OSBPL1A: variants seen among roughly 807,000 people sequenced by gnomAD.
OSBPL1A encodes the protein oxysterol binding protein like 1A, also known as oxysterol-binding protein-related protein 1.
In OSBPL1A, 80 loss-of-function variants were observed where a neutral mutation model predicts 137.1. The observed-to-expected ratio is 0.58, with a 90% CI of 0.49 to 0.70. OSBPL1A has a LOEUF of 0.70. Among genes scored for constraint, OSBPL1A ranks in the 30% least tolerant of loss-of-function variants. OSBPL1A has a pLI of 0.00. For synonymous variants in OSBPL1A, 365 were observed against 389.7 expected (o/e 0.94, Z 0.75); for missense variants, 970 against 1,129.4 (o/e 0.86, Z 2.02).
chr18:24,172,471 T>C lies in OSBPL1A; in HGVS notation c.2106A>G (p.Ala702=), dbSNP rs752992190. The C allele has an allele frequency of 1.3e-5, 21 of 1,613,004 alleles. No homozygotes were observed. The Admixed American group carries it at 2.0e-4, about 15-fold the overall frequency. Reference sequence around the variant, plus strand: ...AGCAGGTGGGATTTGTCCATGTATATGCCTCATTGTGTCTAAAAAACAAAA... The same window carrying C: ...AGCAGGTGGGATTTGTCCATGTATACGCCTCATTGTGTCTAAAAAACAAAA... ...ITLELLEHNE[A]YTWTNPTCCV... is the part of the protein sequence containing the mutation. Residue 702 remains alanine, a synonymous_variant, in exon 22 of 28, where the codon GCA becomes GCG. Coordinates refer to ENST00000319481, the MANE Select transcript of OSBPL1A (RefSeq NM_080597.4).
chr18:24,272,304 A>G lies in OSBPL1A; in HGVS notation c.1281+8538T>C, dbSNP rs1261808837. On this transcript the variant is annotated intron_variant, in intron 15 of 27. Transcript: ENST00000319481. ...CGCCCCTTGGGAAACTCTGGAAAGC[A>G]AAGGAATCTTCTCTCCAGTCCTGCC... 3 of 979,210 alleles carry G rather than the reference A, an allele frequency of 3.1e-6. No homozygotes were observed. The African/African-American group carries it at 5.3e-5, about 17-fold the overall frequency. 60.7% of individuals were successfully genotyped at this position (979,210 alleles called of 1,614,324 possible).
intron 20 of OSBPL1A, 44 bp downstream of exon 20, chr18:24,179,694 T>C (rs1432232672): frequency 6.6e-7 from 1 of 1,513,982 alleles, no homozygotes; most frequent in African/African-American, 1.4e-5. Flanking sequence ...ATTTCTCCTC[T>C]TCATCTGCAA....
At chr18:24,311,922 G>T (rs2090625292) in intron 13 of OSBPL1A, 62 bp downstream of exon 13, 1 of 1,583,760 alleles carries the variant, frequency 6.3e-7, no homozygotes, top group African/African-American at 1.4e-5. Flanking sequence ...AAAGAAAAAA[G>T]TTCTTGATTA....
intron 16 of OSBPL1A, among the ~76,000 whole-genome samples, chr18:24,225,995 TA>T (rs1286735052): frequency 1.3e-5 from 2 of 152,128 alleles, no homozygotes; most frequent in Non-Finnish European, 2.9e-5. Flanking sequence ...AAAATACTTT[TA>T]AAAATACTTT....
chr18:24,249,478 A>G (rs992642974), intron 15 of OSBPL1A, among the ~76,000 whole-genome samples: 1 of 152,202 alleles, frequency 6.6e-6, no homozygotes, highest in Non-Finnish European at 1.5e-5. Flanking sequence ...CAATCACAGC[A>G]CCTGATTTCA....
Position 24,196,179 on chromosome 18 carries a change from C to T in OSBPL1A, c.1623G>A (p.Met541Ile). The change falls in exon 18 of 28, where the codon ATG becomes ATA. Residue 541 changes from methionine to isoleucine, a missense_variant. Physicochemically the swap from Met to Ile is conservative, Grantham distance 10. Transcript: ENST00000319481. ...AGATACTGAAGTCATTTCTGGAAAA[C>T]ATAGGAGAAGGCAAACTTGTTCTGA... Reference protein sequence around the residue: ...KKHRTSLPSPMFSRNDFSIWS... With the variant: ...KKHRTSLPSPIFSRNDFSIWS... The T allele has an allele frequency of 1.9e-6, 3 of 1,610,524 alleles. No homozygotes were observed. The highest frequency in any genetic ancestry group is 2.5e-6 in the Non-Finnish European group (3 of 1,179,268).
intron 1 of OSBPL1A, among the ~76,000 whole-genome samples, chr18:24,383,806 A>G (rs529049335): frequency 6.6e-6 from 1 of 152,384 alleles, no homozygotes; most frequent in South Asian, 2.1e-4. Context: ...CCATTATAAT[A>G]TATAAACCAT....
At chr18:24,164,428 T>G (rs1486415968) in intron 27 of OSBPL1A, among the ~76,000 whole-genome samples, 6 of 134,798 alleles carry the variant, frequency 4.5e-5, no homozygotes, top group Non-Finnish European at 9.5e-5. Flanking sequence ...TGGTTTTTTT[T>G]TTTTTTTTTT....
At chr18:24,262,905 T>G (rs1323363440) in intron 15 of OSBPL1A, among the ~76,000 whole-genome samples, 1 of 152,126 alleles carries the variant, frequency 6.6e-6, no homozygotes, top group East Asian at 1.9e-4. Context: ...GTATCTAGCT[T>G]TTTTTACTAG....
intron 17 of OSBPL1A, among the ~76,000 whole-genome samples, chr18:24,221,414 C>G (rs1472279080): frequency 2.0e-5 from 3 of 152,316 alleles, no homozygotes; most frequent in East Asian, 3.9e-4. Flanking sequence ...CTCTCAGGTT[C>G]TTAGCCACAT....
At chr18:24,172,645 A>G (rs2086318868) in intron 21 of OSBPL1A, among the ~76,000 whole-genome samples, 162 bp from the exon 22 acceptor site, 1 of 152,206 alleles carries the variant, frequency 6.6e-6, no homozygotes, top group African/African-American at 2.4e-5. Flanking sequence ...TCACCATAAA[A>G]TTGGGATCAT....
At chr18:24,177,896 G>T in intron 21 of OSBPL1A, 117 bp downstream of exon 21, 2 of 1,012,416 alleles carry the variant, frequency 2.0e-6, no homozygotes, top group South Asian at 1.8e-5. Context: ...AGTTTGCACT[G>T]TATGAAAGCT....
intron 18 of OSBPL1A, among the ~76,000 whole-genome samples, chr18:24,192,931 T>C (rs1244431855): frequency 4.6e-5 from 7 of 152,200 alleles, no homozygotes; most frequent in African/African-American, 1.7e-4. Context: ...AGTGTGGAAT[T>C]GTGGGGCTGT....
intron 14 of OSBPL1A, among the ~76,000 whole-genome samples, chr18:24,299,014 G>A (rs2090348437): frequency 6.6e-6 from 1 of 152,048 alleles, no homozygotes; most frequent in Admixed American, 6.6e-5. Flanking sequence ...AACTGTTATT[G>A]CTTTAAAGTC....
At chr18:24,195,348 GC>G (rs781514394) in intron 18 of OSBPL1A, among the ~76,000 whole-genome samples, 5 of 152,074 alleles carry the variant, frequency 3.3e-5, no homozygotes, top group Non-Finnish European at 7.4e-5. Context: ...AAAGAAAAAT[GC>G]CAAAGTGGGT....
rs1300975626 is a variant in OSBPL1A at position 24,195,431 on chromosome 18, G to C, written c.1677+694C>G. 2.0e-5 allele frequency among the ~76,000 whole-genome samples: 3 copies of C among 152,310 alleles called. No individual in the cohort carries two copies. The East Asian group carries it at 5.8e-4, about 29-fold the overall frequency. On this transcript the variant is annotated intron_variant, in intron 18 of 27. Transcript: ENST00000319481. ...GAGGTGACTGTACTTCCCAGCACAGGGAAAGTTCTGGAGTGCTCCCAGGGT... is the reference window on the plus strand; with the variant it reads ...GAGGTGACTGTACTTCCCAGCACAGCGAAAGTTCTGGAGTGCTCCCAGGGT...
At chr18:24,278,153 T>C (rs1485155513) in intron 15 of OSBPL1A, among the ~76,000 whole-genome samples, 1 of 152,234 alleles carries the variant, frequency 6.6e-6, no homozygotes, top group Non-Finnish European at 1.5e-5. Flanking sequence ...AAAAGCTTGC[T>C]ATATGGTTTC....
chr18:24,245,045 A>G lies in OSBPL1A; in HGVS notation c.1282-5663T>C, dbSNP rs142978514. On this transcript the variant is annotated intron_variant, in intron 15 of 27. Transcript: ENST00000319481. ...TAAGCCTTACTCTTTCCTCTTCGCT[A>G]GTGCATGGATGGCTACAATTAACAA... is the stretch of plus-strand genomic sequence containing the variant. 7.3e-4 allele frequency among the ~76,000 whole-genome samples: 111 copies of G among 152,286 alleles called. 1 individual carries two copies. Among genetic ancestry groups the G allele is most frequent in the African/African-American group, 2.3e-3 (96 of 41,572 alleles).
rs1905356112 is a variant in OSBPL1A, at chr18:24,368,563, C to T, written c.122-191G>A. On this transcript the variant is annotated intron_variant, in intron 2 of 27. Transcript: ENST00000319481. ...GAACTCACAAGGTGCAGATCTGGTG[C>T]CACCTTCTGACTCGATGTCTTCACC... is the stretch of plus-strand genomic sequence containing the variant. 1.7e-5 allele frequency: 9 copies of T among 518,804 alleles called. No individual in the cohort carries two copies. The South Asian group carries it at 1.8e-4, about 10-fold the overall frequency. 32.1% of individuals were successfully genotyped at this position (518,804 alleles called of 1,614,324 possible).
Sources: gnomAD v4.1 joint callset for allele counts (sites outside exome capture counted in the v4.1 genomes callset) on GRCh38, gnomAD v4.1.1 for gene constraint, MANE v1.5 for transcripts, NCBI Gene and HGNC (gene_info 2026-07-23, HGNC 2026-07-21) for gene names.